The following ADAMTS8 variants were observed in gnomAD, a reference collection of about 807,000 sequenced individuals.
ADAMTS8 encodes the protein A disintegrin and metalloproteinase with thrombospondin motifs 8.
ADAMTS8 carries 50 observed loss-of-function variants against 64.4 expected under a neutral mutation model. That is an observed-to-expected ratio of 0.78 (90% CI 0.62 to 0.98). The LOEUF (loss-of-function observed/expected upper bound fraction) is 0.98. ADAMTS8 is among the 50% of genes least tolerant of loss of function. The pLI, the probability that ADAMTS8 is intolerant of heterozygous loss-of-function variation, is 0.00. For missense variants in ADAMTS8, 1,192 were observed against 1,208.2 expected (o/e 0.99, Z 0.20); for synonymous variants, 556 against 533.6 (o/e 1.04, Z -0.58).
At position 130,427,899 on chromosome 11, in the gene ADAMTS8, C is replaced by G. The variant is rs1324473723; in HGVS notation, c.388G>C (p.Gly130Arg). 1.3e-6 allele frequency: 2 copies of G among 1,534,108 alleles called. No homozygotes were observed. Among genetic ancestry groups the G allele is most frequent in the Non-Finnish European group, 1.7e-6 (2 of 1,146,168 alleles). ...TGCGGCTGGATGGTGAACTCCTCGC[C>G]GTCCAGCAGGAAGGAGCCGCTCAGC... Reference protein sequence around the residue: ...RGLSGSFLLDGEEFTIQPQGA... With the variant: ...RGLSGSFLLDREEFTIQPQGA... Residue 130 changes from glycine to arginine, a missense_variant, in exon 1 of 9, where the codon GGC (glycine) becomes CGC (arginine). This residue lies in a region of ADAMTS8 where 741 missense variants were observed against 710.6 expected (regional missense o/e 1.04). Coordinates refer to ENST00000257359, the MANE Select transcript of ADAMTS8 (RefSeq NM_007037.6).
rs1259392526 is a variant in ADAMTS8 at position 130,416,812 on chromosome 11, C to G, written c.1096+128G>C. ...GCGGTATCTGTTTGTATACAGTCACCCTGTCAAAATTAGGAGGAGCTATTC... is the reference window on the plus strand; with the variant it reads ...GCGGTATCTGTTTGTATACAGTCACGCTGTCAAAATTAGGAGGAGCTATTC... On this transcript the variant is annotated intron_variant, in intron 3 of 8. Coordinates refer to ENST00000257359, the MANE Select transcript of ADAMTS8 (RefSeq NM_007037.6). The surrounding 1 kb of genome is among the most constrained non-coding windows in gnomAD (Gnocchi z 4.8). 7.0e-7 allele frequency: 1 copy of G among 1,433,086 alleles called. No individual in the cohort carries two copies. Among genetic ancestry groups the G allele is most frequent in the South Asian group, 1.3e-5 (1 of 78,776 alleles). 88.8% of individuals were successfully genotyped at this position (1,433,086 alleles called of 1,614,324 possible). A position where few individuals can be genotyped will look rare whatever the true frequency, so the allele number is the denominator to read the frequency against.
In ADAMTS8 at chr11:130,423,622, T is replaced by TC. The variant is rs200990275; in HGVS notation, c.720+3944dup. On this transcript the variant is annotated intron_variant, in intron 1 of 8. Transcript: ENST00000257359. ...CCGTCCCTGAAGTCAGTCCCCAGAA[T>TC]CTGACCTCCTGCGAGTGTTCTGCTG... 8.5e-5 allele frequency among the ~76,000 whole-genome samples: 13 copies of TC among 152,318 alleles called. No individual in the cohort carries two copies. In the East Asian group the frequency reaches 1.5e-3, roughly 18 times the overall value.
chr11:130,423,794 C>T (rs950613874), intron 1 of ADAMTS8, among the ~76,000 whole-genome samples: 1 of 152,212 alleles, frequency 6.6e-6, no homozygotes, highest in Admixed American at 6.5e-5. Context: ...CTCCATCTCG[C>T]CCCGGGTTCA....
rs375607745 is a variant in ADAMTS8, at chr11:130,417,033, C to T, written c.1003G>A (p.Ala335Thr). The change falls in exon 3 of 9, where the codon GCA (alanine) becomes ACA (threonine). Residue 335 changes from alanine (A) to threonine (T), a missense_variant. Transcript: ENST00000257359. The part of the protein sequence containing the change: ...QEGLCDTLGV[A>T]DIGTICDPNK... Reference sequence around the variant, plus strand: ...GGGTCACAAATGGTCCCGATGTCTGCCACACCCAGGGTGTCACACAGCCCC... The same window carrying T: ...GGGTCACAAATGGTCCCGATGTCTGTCACACCCAGGGTGTCACACAGCCCC... 1.4e-5 allele frequency: 23 copies of T among 1,614,020 alleles called. No individual in the cohort carries two copies. Among genetic ancestry groups the T allele is most frequent in the Non-Finnish European group, 1.9e-5 (23 of 1,180,024 alleles).
At chr11:130,414,264 C>G (rs1452616044) in intron 5 of ADAMTS8, among the ~76,000 whole-genome samples, 2 of 151,816 alleles carry the variant, frequency 1.3e-5, no homozygotes, top group Non-Finnish European at 2.9e-5. Context: ...GCTGGGACTA[C>G]AAGCGTGAGT....
chr11:130,405,880 G>C lies in ADAMTS8; in HGVS notation c.2348C>G (p.Pro783Arg), dbSNP rs370555938. Reference protein sequence around the residue: ...LERLQSFRPLPEPLTVQLLTV... With the variant: ...LERLQSFRPLREPLTVQLLTV... ...CAGGAGCTGCACTGTCAGAGGCTCT[G>C]GCAAGGGCCGGAAGCTCTGCAGGCG... is the stretch of plus-strand genomic sequence containing the variant. The change falls in exon 9 of 9, where the codon CCA becomes CGA. Residue 783 changes from proline (P) to arginine (R), a missense_variant. Physicochemically the swap from Pro to Arg is moderately radical, Grantham distance 103. This residue lies in a region of ADAMTS8 where 147 missense variants were observed against 154.1 expected (regional missense o/e 0.95). Coordinates refer to ENST00000257359, the MANE Select transcript of ADAMTS8 (RefSeq NM_007037.6). 6.2e-7 allele frequency: 1 copy of C among 1,614,096 alleles called. No individual in the cohort carries two copies. Among genetic ancestry groups the C allele is most frequent in the South Asian group, 1.1e-5 (1 of 91,084 alleles).
intron 1 of ADAMTS8, among the ~76,000 whole-genome samples, chr11:130,424,343 A>G (rs898269797): frequency 1.3e-5 from 2 of 152,102 alleles, no homozygotes; most frequent in Non-Finnish European, 2.9e-5. Flanking sequence ...TGCCCCCCTC[A>G]CTGGTATTTT....
In ADAMTS8 at chr11:130,416,471, G is replaced by C; in HGVS notation, c.1097-141C>G. 1.0e-6 allele frequency: 1 copy of C among 956,150 alleles called. No homozygotes were observed. The allele number at this position is 956,150 out of a possible 1,614,324, so 59.2% of individuals were successfully genotyped here. On this transcript the variant is annotated intron_variant, in intron 3 of 8. Transcript: ENST00000257359. The surrounding 1 kb of genome is among the most constrained non-coding windows in gnomAD (Gnocchi z 4.8). ...AGATTTCTGCGTAGGGCTTTCCCCT[G>C]CGCTTTGCTCTTCCAGGACGCGTTC...
intron 8 of ADAMTS8, among the ~76,000 whole-genome samples, chr11:130,407,418 G>A (rs1309824700): frequency 2.0e-5 from 3 of 152,146 alleles, no homozygotes; most frequent in Non-Finnish European, 2.9e-5. Flanking sequence ...GTTGCCTGCT[G>A]TAGGCTGATT....
intron 4 of ADAMTS8, among the ~76,000 whole-genome samples, chr11:130,415,470 A>AT (rs2134681645): frequency 6.6e-6 from 1 of 151,716 alleles, no homozygotes; most frequent in African/African-American, 2.4e-5. Context: ...CGCCTGGCTA[A>AT]TTTTTTGTAT....
intron 6 of ADAMTS8, 71 bp from the exon 7 acceptor site, chr11:130,409,011 G>A (rs1417058172): frequency 3.4e-6 from 5 of 1,486,792 alleles, no homozygotes; most frequent in South Asian, 2.8e-5. Flanking sequence ...GAGAAATCCC[G>A]AATTTACAGC....
At chr11:130,422,171 G>A (rs1367648044) in intron 1 of ADAMTS8, among the ~76,000 whole-genome samples, 7 of 152,148 alleles carry the variant, frequency 4.6e-5, no homozygotes, top group African/African-American at 1.7e-4. Context: ...CAGTCAGGGT[G>A]GCTCATGTCT....
rs114083527 is a variant in ADAMTS8 at position 130,416,256 on chromosome 11, C to G, written c.1171G>C (p.Val391Leu). 5 of 1,584,518 alleles carry G rather than the reference C, an allele frequency of 3.2e-6. No individual in the cohort carries two copies. Among genetic ancestry groups the G allele is most frequent in the African/African-American group, 1.3e-5 (1 of 74,510 alleles). ...AGGTGGACGAACAGCGGTGCCATCA[C>G]GTGGTGCTTGCCCATGGGCCCGAAG... ...RLFGPMGKHH[V>L]MAPLFVHLNQ... The change falls in exon 4 of 9, where the codon GTG (valine) becomes CTG (leucine). Residue 391 changes from valine (V) to leucine (L), a missense_variant. By Grantham distance (32) the Val-to-Leu change is conservative. Around this residue, in one of 5 missense-constraint regions of ADAMTS8, gnomAD observed 741 missense variants for 710.6 expected, o/e 1.04. Transcript: ENST00000257359. This position sits in a 1 kb window ranked among gnomAD's most constrained non-coding sequence, Gnocchi z 4.8.
In ADAMTS8 at chr11:130,408,507, C is replaced by A; in HGVS notation, c.2056G>T (p.Gly686Cys). 1 of 1,614,078 alleles carries A rather than the reference C, an allele frequency of 6.2e-7. No individual in the cohort carries two copies. The highest frequency in any genetic ancestry group is 8.5e-7 in the Non-Finnish European group (1 of 1,180,012). ...CCGGAGACCTTCCTGCAGGAGTTGC[C>A]TTTGCCCCCACACACCCCGCATTTG... ...LDKCGVCGGK[G>C]NSCRKVSGSL... Residue 686 changes from glycine to cysteine, a missense_variant, in exon 8 of 9, where the codon GGC (glycine) becomes TGC (cysteine). Transcript: ENST00000257359.
chr11:130,413,169 A>AT (rs766629299), intron 5 of ADAMTS8, among the ~76,000 whole-genome samples: 1 of 152,202 alleles, frequency 6.6e-6, no homozygotes, highest in Non-Finnish European at 1.5e-5. Flanking sequence ...GATTCTATAA[A>AT]TATGTATTTT....
In ADAMTS8 at chr11:130,428,474, G is replaced by T; in HGVS notation, c.-188C>A. On this transcript the variant is annotated 5_prime_UTR_variant, in exon 1 of 9. The change creates a new upstream start codon in the 5' untranslated region. Coordinates refer to ENST00000257359, the MANE Select transcript of ADAMTS8 (RefSeq NM_007037.6). The stretch of plus-strand genomic sequence containing the variant: ...CCCGGCGGCCCCTCTGGCTGGCGCA[G>T]CCCGCTCCTCCCGCGCCGCCGCCCC... 9.9e-7 allele frequency: 1 copy of T among 1,005,208 alleles called. No homozygotes were observed. The highest frequency in any genetic ancestry group is 1.2e-6 in the Non-Finnish European group (1 of 843,922). 62.3% of individuals were successfully genotyped at this position (1,005,208 alleles called of 1,614,324 possible). A position where few individuals can be genotyped will look rare whatever the true frequency, so the allele number is the denominator to read the frequency against.
At chr11:130,410,883 C>T (rs117492806) in intron 6 of ADAMTS8, among the ~76,000 whole-genome samples, 6,314 of 152,236 alleles carry the variant, frequency 0.041, 215 homozygotes, top group South Asian at 0.093. Context: ...GGAAGATGGG[C>T]AACTCTTCTC....
chr11:130,419,935 A>G (rs372688686), intron 1 of ADAMTS8, among the ~76,000 whole-genome samples: 1 of 152,184 alleles, frequency 6.6e-6, no homozygotes, highest in African/African-American at 2.4e-5. Context: ...AATCACTCCT[A>G]ACAACAGCTA....
chr11:130,408,561 G>A lies in ADAMTS8; in HGVS notation c.2002C>T (p.His668Tyr). ...AGCTTCCGAGGCGAGTCCACCACAT[G>A]GTCACAGCCGGCCTTGACACACTGG... is the stretch of plus-strand genomic sequence containing the variant. ...RGQCVKAGCD[H>Y]VVDSPRKLDK... is the part of the protein sequence containing the mutation. Residue 668 changes from histidine (H) to tyrosine (Y), a missense_variant, in exon 8 of 9, where the codon CAT becomes TAT. His to Tyr is a moderately conservative substitution (Grantham distance 83). Around this residue, in one of 5 missense-constraint regions of ADAMTS8, gnomAD observed 290 missense variants for 297.8 expected, o/e 0.97. Coordinates refer to ENST00000257359, the MANE Select transcript of ADAMTS8 (RefSeq NM_007037.6). 1 of 1,614,150 alleles carries A rather than the reference G, an allele frequency of 6.2e-7. No individual in the cohort carries two copies. Among genetic ancestry groups the A allele is most frequent in the Non-Finnish European group, 8.5e-7 (1 of 1,180,030 alleles).
Sources: allele counts gnomAD v4.1 joint callset (sites outside exome capture counted in the v4.1 genomes callset), GRCh38; gene constraint gnomAD v4.1.1; regional missense constraint gnomAD v4.1.1; non-coding constraint Gnocchi (gnomAD v3.1); transcripts MANE v1.5; gene names NCBI Gene and HGNC (gene_info 2026-07-23, HGNC 2026-07-21).